The following SBF2 variants were observed in gnomAD, a reference collection of about 807,000 sequenced individuals.
SBF2 encodes the protein myotubularin-related protein 13.
Under a neutral mutation model 225.2 loss-of-function variants are expected in SBF2, and 112 were observed. That is an observed-to-expected ratio of 0.50 (90% CI 0.43 to 0.58). SBF2 has a LOEUF of 0.58. Ranked by LOEUF, SBF2 falls within the 20% of genes least tolerant of loss-of-function variation. The probability of loss-of-function intolerance (pLI) is 0.00; values close to 1 mark genes in which losing one functional copy is unlikely to be tolerated. For missense variants in SBF2, 1,996 were observed against 2,206.2 expected, an observed-to-expected ratio of 0.90 and a Z score of 1.91; for synonymous variants, 763 against 773.3, an observed-to-expected ratio of 0.99 and a Z score of 0.22.
In SBF2 at chr11:9,789,232, G is replaced by A. The variant is rs199670153; in HGVS notation, c.4809C>T (p.His1603=). Residue 1603 remains histidine, a synonymous_variant, in exon 35 of 40, where the codon CAC becomes CAT. Transcript: ENST00000256190. ...SYDWMMLTPK[H]FPSEDSDLAG... The stretch of plus-strand genomic sequence containing the variant: ...CCAGGTCAGAGTCTTCGGAGGGGAA[G>A]TGCTTGGGGGTTAGCATCATCCAGT... 333 of 1,614,214 alleles carry A rather than the reference G, an allele frequency of 2.1e-4. 2 individuals are homozygous for A. In the South Asian group the frequency reaches 2.2e-3, roughly 10 times the overall value.
chr11:10,109,486 C>T (rs1215811106), intron 2 of SBF2, among the ~76,000 whole-genome samples: 1 of 152,174 alleles, frequency 6.6e-6, no homozygotes, highest in African/African-American at 2.4e-5. Flanking sequence ...ACAAATGCTG[C>T]TGCTTTATGC....
At chr11:9,873,774 C>A (rs1162043714) in intron 17 of SBF2, among the ~76,000 whole-genome samples, 1 of 152,186 alleles carries the variant, frequency 6.6e-6, no homozygotes, top group Non-Finnish European at 1.5e-5. Context: ...TCTGGCCGGG[C>A]ACGGTGGCTC....
chr11:9,792,587 C>A (rs1040313638), intron 33 of SBF2, among the ~76,000 whole-genome samples: 1 of 152,082 alleles, frequency 6.6e-6, no homozygotes, highest in Admixed American at 6.5e-5. Context: ...TACCAGAACA[C>A]AAGAAGGAAC....
At chr11:10,273,645 G>GT (rs1299696881) in intron 1 of SBF2, among the ~76,000 whole-genome samples, 2 of 152,228 alleles carry the variant, frequency 1.3e-5, no homozygotes, top group African/African-American at 4.8e-5. Flanking sequence ...CCACACTGCT[G>GT]TATGTGTGTA....
chr11:9,813,332 T>G (rs907784017), intron 29 of SBF2, among the ~76,000 whole-genome samples: 4 of 152,146 alleles, frequency 2.6e-5, no homozygotes, highest in Non-Finnish European at 5.9e-5. Context: ...TTGTGGTTAT[T>G]TTTTTGTTTT....
chr11:9,993,059 G>A lies in SBF2; in HGVS notation c.1098C>T (p.Leu366=), dbSNP rs1281560483. ...GCAGGCAGGATCTATATCCTTGGAA[G>A]AGTTGTGCAAATAATCTAAGGAAAA... is the stretch of plus-strand genomic sequence containing the variant. The part of the protein sequence containing the change: ...RAVFLRLFAQ[L]FQGYRSCLQL... The change falls in exon 11 of 40, where the codon CTC becomes CTT. Residue 366 remains leucine (L), a synonymous_variant. Transcript: ENST00000256190. 1.9e-6 allele frequency: 3 copies of A among 1,612,604 alleles called. No homozygotes were observed. The highest frequency in any genetic ancestry group is 2.5e-6 in the Non-Finnish European group (3 of 1,179,708).
chr11:9,799,064 T>C (rs1463325419), intron 32 of SBF2, among the ~76,000 whole-genome samples: 3 of 152,196 alleles, frequency 2.0e-5, no homozygotes, highest in African/African-American at 7.2e-5. Context: ...TACATACTTG[T>C]ATCTTTTCTT....
At chr11:9,926,308 C>G (rs1275103607) in intron 16 of SBF2, among the ~76,000 whole-genome samples, 2 of 151,530 alleles carry the variant, frequency 1.3e-5, no homozygotes, top group African/African-American at 4.8e-5. Context: ...GAAGTTTAGC[C>G]TTAAGAATAA....
intron 13 of SBF2, among the ~76,000 whole-genome samples, chr11:9,985,586 G>C (rs968436297): frequency 6.6e-6 from 1 of 152,102 alleles, no homozygotes; most frequent in Non-Finnish European, 1.5e-5. Context: ...GCCTCCCAAA[G>C]TGCTGGGATT....
chr11:10,182,408 A>T lies in SBF2; in HGVS notation c.141+11494T>A, dbSNP rs149727213. ...TATATATACATAAATATAAACATACAGATACATAAAATCCTAGAGTTCAGT... is the reference window on the plus strand; with the variant it reads ...TATATATACATAAATATAAACATACTGATACATAAAATCCTAGAGTTCAGT... On this transcript the variant is annotated intron_variant, in intron 2 of 39. Transcript: ENST00000256190. 3.9e-5 allele frequency among the ~76,000 whole-genome samples: 6 copies of T among 152,342 alleles called. No homozygotes were observed. In the East Asian group the frequency reaches 1.2e-3, roughly 29 times the overall value.
At chr11:9,923,527 G>A (rs1046426734) in intron 16 of SBF2, among the ~76,000 whole-genome samples, 1 of 152,146 alleles carries the variant, frequency 6.6e-6, no homozygotes, top group Non-Finnish European at 1.5e-5. Context: ...GTGAAATTTT[G>A]AATCTGTCAA....
At chr11:10,191,988 T>A (rs1029602570) in intron 2 of SBF2, among the ~76,000 whole-genome samples, 2 of 152,194 alleles carry the variant, frequency 1.3e-5, no homozygotes, top group East Asian at 3.8e-4. Context: ...CTCATACTGT[T>A]AAATTGGTAT....
intron 3 of SBF2, among the ~76,000 whole-genome samples, chr11:10,034,466 C>G (rs1949366022): frequency 6.6e-6 from 1 of 152,198 alleles, no homozygotes; most frequent in Non-Finnish European, 1.5e-5. Flanking sequence ...GAAGTTTATC[C>G]TACCATTCAG....
At chr11:9,938,089 A>C (rs1027493194) in intron 16 of SBF2, among the ~76,000 whole-genome samples, 1 of 152,082 alleles carries the variant, frequency 6.6e-6, no homozygotes, top group Non-Finnish European at 1.5e-5. Flanking sequence ...CAGGAGATCG[A>C]GACCATCCTG....
rs188422621 is a variant in SBF2, at chr11:10,135,196, C to A, written c.141+58706G>T. 1.4e-3 allele frequency among the ~76,000 whole-genome samples: 212 copies of A among 152,370 alleles called. 3 individuals are homozygous for A. Among genetic ancestry groups the A allele is most frequent in the Admixed American group, 0.012 (183 of 15,306 alleles). On this transcript the variant is annotated intron_variant, in intron 2 of 39. Coordinates refer to ENST00000256190, the MANE Select transcript of SBF2 (RefSeq NM_030962.4). ...ACTGTACCTTGGCCCCTTTCAGTCA[C>A]TGCTAGAGCAGCTAGGAGGCAGGGC... is the stretch of plus-strand genomic sequence containing the variant.
chr11:10,153,574 TA>T (rs1156272920), intron 2 of SBF2, among the ~76,000 whole-genome samples: 2 of 152,082 alleles, frequency 1.3e-5, no homozygotes, highest in Non-Finnish European at 2.9e-5. Flanking sequence ...CAGAAAGGAA[TA>T]AAGGTCTCCA....
intron 2 of SBF2, among the ~76,000 whole-genome samples, chr11:10,122,859 A>G (rs1953543121): frequency 6.6e-6 from 1 of 152,210 alleles, no homozygotes; most frequent in African/African-American, 2.4e-5. Context: ...ACAAGAATTG[A>G]AACTCTATAG....
At chr11:10,026,146 G>A (rs1949047186) in intron 6 of SBF2, among the ~76,000 whole-genome samples, 1 of 151,420 alleles carries the variant, frequency 6.6e-6, no homozygotes, top group African/African-American at 2.4e-5. Context: ...GACGCTAAAT[G>A]CTGGTTACAA....
intron 6 of SBF2, among the ~76,000 whole-genome samples, chr11:10,006,752 C>G (rs1281363111): frequency 6.6e-6 from 1 of 152,224 alleles, no homozygotes; most frequent in Non-Finnish European, 1.5e-5. Flanking sequence ...TTTCTCTAAT[C>G]ACTTCCATGC....
Sources: allele counts gnomAD v4.1 joint callset (sites outside exome capture counted in the v4.1 genomes callset), GRCh38; gene constraint gnomAD v4.1.1; transcripts MANE v1.5; gene names NCBI Gene and HGNC (gene_info 2026-07-23, HGNC 2026-07-21).